Variants in CA12 observed in about 807,000 individuals in gnomAD.
CA12 encodes the protein carbonate dehydratase XII.
In CA12, 36 loss-of-function variants were observed where a neutral mutation model predicts 46.8. The observed-to-expected ratio is 0.77, with a 90% confidence interval of 0.59 to 1.02. The LOEUF is 1.02. CA12 is among the 50% of genes least tolerant of loss of function. The pLI, the probability that CA12 is intolerant of heterozygous loss-of-function variation, is 0.00. For synonymous variants in CA12, 202 were observed against 187.0 expected (o/e 1.08, Z -0.65); for missense variants, 436 against 451.4 (o/e 0.97, Z 0.31).
chr15:63,357,001 C>T (rs933297929), intron 2 of CA12, among the ~76,000 whole-genome samples: 6 of 152,118 alleles, frequency 3.9e-5, no homozygotes, highest in African/African-American at 9.7e-5. Context: ...ATTGTTTAGC[C>T]GTAAAAAGGC....
Position 63,348,467 on chromosome 15 carries a change from C to T in CA12, c.107-1758G>A, listed in dbSNP as rs1005593577. ...GAGCAGAATGAAGCAACCGTGAGGC[C>T]TCATGTAGAACCCCAGGGTCAGGAA... On this transcript the variant is annotated intron_variant, in intron 2 of 10. Transcript: ENST00000178638. The surrounding 1 kb of genome is among the most constrained non-coding windows in gnomAD (Gnocchi z 4.6). Among the ~76,000 whole-genome samples the T allele has an allele frequency of 6.6e-6, 1 of 152,154 alleles. No homozygotes were observed. Among genetic ancestry groups the T allele is most frequent in the East Asian group, 1.9e-4 (1 of 5,190 alleles).
chr15:63,368,348 C>A (rs1284831306), intron 2 of CA12, among the ~76,000 whole-genome samples: 1 of 152,174 alleles, frequency 6.6e-6, no homozygotes, highest in Non-Finnish European at 1.5e-5. Context: ...GTGGTGCCTG[C>A]ACCCTTCGCC....
At chr15:63,356,807 C>T (rs912889301) in intron 2 of CA12, among the ~76,000 whole-genome samples, 4 of 152,140 alleles carry the variant, frequency 2.6e-5, no homozygotes, top group Non-Finnish European at 5.9e-5. Context: ...ACACGCCTGG[C>T]CTGATCCAGT....
rs985242857 is a variant in CA12, at chr15:63,374,300, C to T, written c.106+1358G>A. Among the ~76,000 whole-genome samples the T allele has an allele frequency of 2.6e-5, 4 of 152,126 alleles. No homozygotes were observed. Among genetic ancestry groups the T allele is most frequent in the South Asian group, 2.1e-4 (1 of 4,826 alleles). ...CTCAACATCACCTTAGCCAACAGCA[C>T]CCACTCCCCACTCACCGAATCCTCC... On this transcript the variant is annotated intron_variant, in intron 2 of 10. Transcript: ENST00000178638. This position sits in a 1 kb window ranked among gnomAD's most constrained non-coding sequence, Gnocchi z 4.4.
At position 63,331,453 on chromosome 15, in the gene CA12, AC is replaced by A. The variant is rs963051472; in HGVS notation, c.875-3324del. Among the ~76,000 whole-genome samples, 2 of 152,220 alleles carry A rather than the reference AC, an allele frequency of 1.3e-5. No homozygotes were observed. Among genetic ancestry groups the A allele is most frequent in the African/African-American group, 4.8e-5 (2 of 41,456 alleles). ...GAAGGGAGGCGATTCCCACGGAAGA[AC>A]AATGGGACAGACAGTAGAAATGGAG... is the stretch of plus-strand genomic sequence containing the variant. On this transcript the variant is annotated intron_variant, in intron 8 of 10. Transcript: ENST00000178638. This position sits in a 1 kb window ranked among gnomAD's most constrained non-coding sequence, Gnocchi z 5.3.
chr15:63,330,615 G>A lies in CA12; in HGVS notation c.875-2485C>T, dbSNP rs2038925442. On this transcript the variant is annotated intron_variant, in intron 8 of 10. Transcript: ENST00000178638. The surrounding 1 kb of genome is among the most constrained non-coding windows in gnomAD (Gnocchi z 4.0). ...CCACTGAGCAGCCCAGTCTGTGGCT[G>A]GTGGGGGTACCCTTCATGCCTGGTC... is the stretch of plus-strand genomic sequence containing the variant. Among the ~76,000 whole-genome samples the A allele has an allele frequency of 6.6e-6, 1 of 152,230 alleles. No homozygotes were observed. The highest frequency in any genetic ancestry group is 6.5e-5 in the Admixed American group (1 of 15,284).
At chr15:63,364,351 A>AAAAAC (rs2039412048) in intron 2 of CA12, among the ~76,000 whole-genome samples, 1 of 150,488 alleles carries the variant, frequency 6.6e-6, no homozygotes, top group Non-Finnish European at 1.5e-5. Context: ...AAAAAAAAAA[A>AAAAAC]AAAACAGTGG....
chr15:63,328,242 C>T lies in CA12; in HGVS notation c.875-112G>A. ...TGTTTGGTCTTAGGCTGACAGACCT[C>T]TAGGGATGTCCACCCTTGGCTCAGG... On this transcript the variant is annotated intron_variant, in intron 8 of 10. Transcript: ENST00000178638. This position sits in a 1 kb window ranked among gnomAD's most constrained non-coding sequence, Gnocchi z 5.9. 1.1e-6 allele frequency: 1 copy of T among 934,722 alleles called. No individual in the cohort carries two copies. The highest frequency in any genetic ancestry group is 1.7e-6 in the Non-Finnish European group (1 of 577,692). The allele number at this position is 934,722 out of a possible 1,614,324, so 57.9% of individuals were successfully genotyped here.
rs1419994164 is a variant in CA12 at position 63,373,568 on chromosome 15, G to C, written c.106+2090C>G. ...GGATAGACAGGTCTTGGGAACCATG[G>C]GTCAGTGATTCTCTGATAGAGTGCA... On this transcript the variant is annotated intron_variant, in intron 2 of 10. Coordinates refer to ENST00000178638, the MANE Select transcript of CA12 (RefSeq NM_001218.5). This position sits in a 1 kb window ranked among gnomAD's most constrained non-coding sequence, Gnocchi z 4.9. Among the ~76,000 whole-genome samples the C allele has an allele frequency of 6.6e-6, 1 of 152,154 alleles. No homozygotes were observed. Among genetic ancestry groups the C allele is most frequent in the African/African-American group, 2.4e-5 (1 of 41,434 alleles).
intron 3 of CA12, among the ~76,000 whole-genome samples, chr15:63,346,165 G>A (rs1424547103): frequency 3.3e-5 from 5 of 152,116 alleles, no homozygotes; most frequent in Non-Finnish European, 7.4e-5. Flanking sequence ...TCAAATCCAG[G>A]TTGGTCTGAC....
chr15:63,355,966 C>T lies in CA12; in HGVS notation c.107-9257G>A, dbSNP rs1359943998. Reference sequence around the variant, plus strand: ...TCTGAACAGAAAGGACTACAGATACCGTCTTTTTCATGCACTGTTATATGC... The same window carrying T: ...TCTGAACAGAAAGGACTACAGATACTGTCTTTTTCATGCACTGTTATATGC... On this transcript the variant is annotated intron_variant, in intron 2 of 10. Coordinates refer to ENST00000178638, the MANE Select transcript of CA12 (RefSeq NM_001218.5). This position sits in a 1 kb window ranked among gnomAD's most constrained non-coding sequence, Gnocchi z 4.1. Among the ~76,000 whole-genome samples, 1 of 152,158 alleles carries T rather than the reference C, an allele frequency of 6.6e-6. No individual in the cohort carries two copies. The highest frequency in any genetic ancestry group is 1.5e-5 in the Non-Finnish European group (1 of 68,034).
intron 2 of CA12, among the ~76,000 whole-genome samples, chr15:63,366,611 T>C (rs2039437873): frequency 6.6e-6 from 1 of 152,252 alleles, no homozygotes; most frequent in Non-Finnish European, 1.5e-5. Flanking sequence ...TGAATATTTG[T>C]GGAATGAATG....
intron 2 of CA12, 78 bp from the exon 3 acceptor site, chr15:63,346,787 T>A (rs1400177912): frequency 8.9e-6 from 13 of 1,460,732 alleles, no homozygotes; most frequent in Non-Finnish European, 1.2e-5. Context: ...CTCTGTTCAA[T>A]ACAATTACTC....
In CA12 at chr15:63,345,119, A is replaced by G. The variant is rs1446043387; in HGVS notation, c.429+358T>C. 6.6e-6 allele frequency among the ~76,000 whole-genome samples: 1 copy of G among 152,250 alleles called. No homozygotes were observed. The highest frequency in any genetic ancestry group is 1.5e-5 in the Non-Finnish European group (1 of 68,052). On this transcript the variant is annotated intron_variant, in intron 4 of 10. Coordinates refer to ENST00000178638, the MANE Select transcript of CA12 (RefSeq NM_001218.5). The surrounding 1 kb of genome is among the most constrained non-coding windows in gnomAD (Gnocchi z 4.3). The stretch of plus-strand genomic sequence containing the variant: ...GGCTGAGAAGTTTGGGGGAGCAGTG[A>G]GCCCAGTGTGAGTCAGCAGGAGATT...
rs959543695 is a variant in CA12, at chr15:63,346,479, G to C, written c.286+51C>G. ...CAGATGGAAAAGGACAGGCCTGGCA[G>C]CTGAGGGAGACTCAGACATACCCCT... On this transcript the variant is annotated intron_variant, in intron 3 of 10. Transcript: ENST00000178638. The C allele has an allele frequency of 2.8e-6, 4 of 1,444,286 alleles. No homozygotes were observed. In the Admixed American group the frequency reaches 7.2e-5, roughly 26 times the overall value. 89.5% of individuals were successfully genotyped at this position (1,444,286 alleles called of 1,614,324 possible).
intron 1 of CA12, among the ~76,000 whole-genome samples, chr15:63,377,686 T>G (rs1462754368): frequency 1.3e-5 from 2 of 152,236 alleles, no homozygotes; most frequent in Non-Finnish European, 2.9e-5. Context: ...TCCCTAACCA[T>G]GTACTGCTCC....
intron 2 of CA12, among the ~76,000 whole-genome samples, chr15:63,366,229 A>G (rs1443322570): frequency 2.0e-5 from 3 of 150,442 alleles, no homozygotes; most frequent in Non-Finnish European, 4.4e-5. Context: ...AGCTCTTCAC[A>G]CTCTGGCCCC....
At chr15:63,357,114 A>C (rs937619521) in intron 2 of CA12, among the ~76,000 whole-genome samples, 2 of 152,188 alleles carry the variant, frequency 1.3e-5, no homozygotes, top group Non-Finnish European at 2.9e-5. Flanking sequence ...CCCTTTATGG[A>C]ACCAAACGTA....
intron 2 of CA12, among the ~76,000 whole-genome samples, chr15:63,362,173 T>C (rs1164781866): frequency 6.6e-6 from 1 of 152,174 alleles, no homozygotes; most frequent in Admixed American, 6.5e-5. Flanking sequence ...GAAATTTATT[T>C]ATAAAACAGG....
Sources: allele counts gnomAD v4.1 joint callset (sites outside exome capture counted in the v4.1 genomes callset), GRCh38; gene constraint gnomAD v4.1.1; non-coding constraint Gnocchi (gnomAD v3.1); transcripts MANE v1.5; gene names NCBI Gene and HGNC (gene_info 2026-07-23, HGNC 2026-07-21).